GCNT2: variants seen among roughly 807,000 people sequenced by gnomAD.
GCNT2 encodes the protein N-acetyllactosaminide beta-1,6-N-acetylglucosaminyl-transferase.
A neutral mutation model predicts 34.2 loss-of-function variants in GCNT2; 34 were observed. That is an observed-to-expected ratio of 1.00 (90% confidence interval 0.76 to 1.32). The LOEUF is 1.32. Ranked by LOEUF, GCNT2 falls within the 40% of genes most tolerant of loss-of-function variation. The probability of loss-of-function intolerance (pLI) is 0.00; values close to 1 mark genes in which losing one functional copy is unlikely to be tolerated. For missense variants in GCNT2, 584 were observed against 489.4 expected (o/e 1.19, Z -1.82); for synonymous variants, 212 against 188.0 (o/e 1.13, Z -1.04).
intron 3 of GCNT2, among the ~76,000 whole-genome samples, chr6:10,582,253 AATAT>A (rs1184857675): frequency 8.3e-6 from 1 of 120,728 alleles, no homozygotes. Flanking sequence ...AAATATATAT[AATAT>A]ATACTATATA....
chr6:10,600,982 G>A (rs1765066984), intron 3 of GCNT2, among the ~76,000 whole-genome samples: 3 of 152,000 alleles, frequency 2.0e-5, no homozygotes, highest in Admixed American at 6.6e-5. Flanking sequence ...TGTAGAGATG[G>A]GGTTTCGCCA....
chr6:10,589,173 G>C (rs1385612054), intron 3 of GCNT2, among the ~76,000 whole-genome samples: 1 of 116,880 alleles, frequency 8.6e-6, no homozygotes, highest in African/African-American at 2.9e-5. Context: ...TGGTGTGTGT[G>C]TGGTGTATGT....
rs534239972 is a variant in GCNT2, at chr6:10,546,763, T to C, written c.925+16927T>C. On this transcript the variant is annotated intron_variant, in intron 3 of 4. Coordinates refer to ENST00000495262, the MANE Select transcript of GCNT2 (RefSeq NM_145649.5). ...TTATTTATTATATTTTAAAGCTGATTTTTATGAAAGCAGTATATCCTTATT... is the reference window on the plus strand; with the variant it reads ...TTATTTATTATATTTTAAAGCTGATCTTTATGAAAGCAGTATATCCTTATT... Among the ~76,000 whole-genome samples, 585 of 152,304 alleles carry C rather than the reference T, an allele frequency of 3.8e-3. 6 individuals are homozygous for C. Among genetic ancestry groups the C allele is most frequent in the African/African-American group, 0.013 (558 of 41,572 alleles).
At chr6:10,589,511 A>C (rs1764544386) in intron 3 of GCNT2, among the ~76,000 whole-genome samples, 1 of 152,002 alleles carries the variant, frequency 6.6e-6, no homozygotes, top group South Asian at 2.1e-4. Flanking sequence ...CTTTCTGGAA[A>C]GGATCCACCA....
chr6:10,551,348 C>T (rs1350780419), intron 3 of GCNT2, among the ~76,000 whole-genome samples: 1 of 151,812 alleles, frequency 6.6e-6, no homozygotes, highest in Non-Finnish European at 1.5e-5. Flanking sequence ...CTGGACTTGC[C>T]GCCTGGGTCT....
chr6:10,551,786 T>C (rs1581394228), intron 3 of GCNT2, among the ~76,000 whole-genome samples: 2 of 150,838 alleles, frequency 1.3e-5, no homozygotes, highest in African/African-American at 4.9e-5. Flanking sequence ...AGACGCAGTT[T>C]CGCTCTTGTC....
intron 1 of GCNT2, among the ~76,000 whole-genome samples, chr6:10,527,023 T>G (rs1042734982): frequency 6.6e-6 from 1 of 152,240 alleles, no homozygotes. Context: ...GTTTATTGAC[T>G]GTACCACATT....
chr6:10,542,173 C>A (rs1242161209), intron 3 of GCNT2, among the ~76,000 whole-genome samples: 1 of 152,078 alleles, frequency 6.6e-6, no homozygotes, highest in Non-Finnish European at 1.5e-5. Flanking sequence ...TTCTACCGTC[C>A]AAGTCACTGA....
In GCNT2 at chr6:10,602,000, T is replaced by C. The variant is rs117608279; in HGVS notation, c.926-19351T>C. ...AAGCCCTTGATGCCGGAAAACTGGA[T>C]ACTGGAAACTGCCACTGCAGTCCCT... On this transcript the variant is annotated intron_variant, in intron 3 of 4. Transcript: ENST00000495262. 8.4e-4 allele frequency among the ~76,000 whole-genome samples: 126 copies of C among 149,258 alleles called. 1 individual carries two copies. The East Asian group carries it at 0.021, about 24-fold the overall frequency.
chr6:10,606,043 G>A (rs185847926), intron 3 of GCNT2, among the ~76,000 whole-genome samples: 390 of 152,250 alleles, frequency 2.6e-3, no homozygotes, highest in African/African-American at 8.7e-3. Context: ...GGCCAGGTGC[G>A]GTGGCTCACG....
chr6:10,569,963 CCTTT>C lies in GCNT2; in HGVS notation c.925+40134_925+40137del, dbSNP rs1255269753. Among the ~76,000 whole-genome samples, 1,036 of 114,966 alleles carry C rather than the reference CCTTT, an allele frequency of 9.0e-3. 17 individuals are homozygous for C. Among genetic ancestry groups the C allele is most frequent in the African/African-American group, 0.03 (976 of 33,048 alleles). 75.4% of individuals were successfully genotyped at this position (114,966 alleles called of 152,430 possible). On this transcript the variant is annotated intron_variant, in intron 3 of 4. Coordinates refer to ENST00000495262, the MANE Select transcript of GCNT2 (RefSeq NM_145649.5). ...TTCCTTCCTTCTTCCTTCCTTCCTT[CCTTT>C]CTTTCTCTCTTTCTTTCTTCCTGAC...
intron 3 of GCNT2, among the ~76,000 whole-genome samples, chr6:10,609,281 T>C (rs1765453124): frequency 6.6e-6 from 1 of 152,210 alleles, no homozygotes; most frequent in South Asian, 2.1e-4. Context: ...GCGTTCATGC[T>C]GCATCATCTC....
Position 10,529,068 on chromosome 6 carries a change from T to C in GCNT2, c.157T>C (p.Phe53Leu). 6.2e-7 allele frequency: 1 copy of C among 1,614,150 alleles called. No homozygotes were observed. Among genetic ancestry groups the C allele is most frequent in the Non-Finnish European group, 8.5e-7 (1 of 1,180,020 alleles). The part of the protein sequence containing the change: ...SLLAEACHQI[F>L]EGKVFYPTEN... ...GTTAGCAGAAGCCTGTCATCAGATT[T>C]TTGAGGGGAAAGTTTTTTACCCAAC... The change falls in exon 3 of 5, where the codon TTT becomes CTT. Residue 53 changes from phenylalanine to leucine, a missense_variant. Coordinates refer to ENST00000495262, the MANE Select transcript of GCNT2 (RefSeq NM_145649.5).
At chr6:10,576,581 T>C (rs1158953829) in intron 3 of GCNT2, among the ~76,000 whole-genome samples, 6 of 151,710 alleles carry the variant, frequency 4.0e-5, no homozygotes, top group African/African-American at 1.5e-4. Context: ...GAAGAAGCAT[T>C]TGAGAGTGGA....
At chr6:10,579,829 A>AC (rs1554133183) in intron 3 of GCNT2, among the ~76,000 whole-genome samples, 25,831 of 144,240 alleles carry the variant, frequency 0.18, 2,654 homozygotes, top group African/African-American at 0.28. Context: ...AAACAAACAA[A>AC]AAAAAAAAAA....
chr6:10,555,655 G>A lies in GCNT2; in HGVS notation c.925+25819G>A, dbSNP rs7740437. The A allele has an allele frequency of 0.14, 104,430 of 755,714 alleles. 7,556 individuals carry two copies. The highest frequency in any genetic ancestry group is 0.18 in the African/African-American group (9,528 of 52,228). 46.8% of individuals were successfully genotyped at this position (755,714 alleles called of 1,614,324 possible). A position where few individuals can be genotyped will look rare whatever the true frequency, so the allele number is the denominator to read the frequency against. On this transcript the variant is annotated intron_variant, in intron 3 of 4. Coordinates refer to ENST00000495262, the MANE Select transcript of GCNT2 (RefSeq NM_145649.5). The stretch of plus-strand genomic sequence containing the variant: ...AGTGAGAGGAGAGGGGTTCGTTTCA[G>A]AGTCAGGAGCCCAAGGCGCCCCAGC...
intron 1 of GCNT2, among the ~76,000 whole-genome samples, chr6:10,526,663 A>G (rs1268025009): frequency 6.6e-6 from 1 of 152,148 alleles, no homozygotes; most frequent in Admixed American, 6.5e-5. Flanking sequence ...TGGCCTCCCA[A>G]AAGTGCTGAG....
At position 10,537,439 on chromosome 6, in the gene GCNT2, G is replaced by T. The variant is rs148459765; in HGVS notation, c.925+7603G>T. 6.0e-3 allele frequency among the ~76,000 whole-genome samples: 911 copies of T among 152,160 alleles called. 16 individuals carry two copies. Among genetic ancestry groups the T allele is most frequent in the African/African-American group, 0.021 (864 of 41,518 alleles). On this transcript the variant is annotated intron_variant, in intron 3 of 4. Transcript: ENST00000495262. Reference sequence around the variant, plus strand: ...TTAATGGCCACGTGGGGTGGCTAACGCCTGTAATCCCAGCACTTTGGGAGG... The same window carrying T: ...TTAATGGCCACGTGGGGTGGCTAACTCCTGTAATCCCAGCACTTTGGGAGG...
intron 3 of GCNT2, among the ~76,000 whole-genome samples, chr6:10,541,100 A>C (rs1762018541): frequency 6.6e-6 from 1 of 152,170 alleles, no homozygotes; most frequent in Non-Finnish European, 1.5e-5. Context: ...TTACCCGCAC[A>C]GATCATCCCA....
Sources: allele counts gnomAD v4.1 joint callset (sites outside exome capture counted in the v4.1 genomes callset), GRCh38; gene constraint gnomAD v4.1.1; transcripts MANE v1.5; gene names NCBI Gene and HGNC (gene_info 2026-07-23, HGNC 2026-07-21).